RALGPS2: variants seen among roughly 807,000 people sequenced by gnomAD.
The protein encoded by RALGPS2 is Ral GEF with PH domain and SH3 binding motif 2.
In RALGPS2, 43 loss-of-function variants were observed where a neutral mutation model predicts 86.8. The observed-to-expected ratio is 0.50, with a 90% CI of 0.39 to 0.64. The LOEUF (loss-of-function observed/expected upper bound fraction) is 0.64, where lower values mean the gene tolerates loss of function less well. Ranked by LOEUF, RALGPS2 falls within the 30% of genes least tolerant of loss-of-function variation. The probability of loss-of-function intolerance (pLI) is 0.00; values close to 1 mark genes in which losing one functional copy is unlikely to be tolerated. For missense variants in RALGPS2, 536 were observed against 694.6 expected, an observed-to-expected ratio of 0.77 and a Z score of 2.57; for synonymous variants, 243 against 231.3, an observed-to-expected ratio of 1.05 and a Z score of -0.46.
At chr1:178,835,122 C>G (rs1287701823) in intron 8 of RALGPS2, among the ~76,000 whole-genome samples, 5 of 152,138 alleles carry the variant, frequency 3.3e-5, no homozygotes, top group African/African-American at 1.2e-4. Context: ...CCCATACTTG[C>G]AAATATAATT....
At chr1:178,907,028 G>C (rs1262685957) in intron 19 of RALGPS2, among the ~76,000 whole-genome samples, 161 bp downstream of exon 19, 1 of 152,194 alleles carries the variant, frequency 6.6e-6, no homozygotes, top group African/African-American at 2.4e-5. Context: ...CTACATCTTA[G>C]TGAGGAGCTA....
intron 1 of RALGPS2, among the ~76,000 whole-genome samples, chr1:178,741,342 C>T (rs540432683): frequency 3.9e-5 from 6 of 152,162 alleles, no homozygotes; most frequent in Admixed American, 6.5e-5. Flanking sequence ...CAATATGTAA[C>T]GGGCAGAAAT....
intron 16 of RALGPS2, 102 bp from the exon 17 acceptor site, chr1:178,897,562 T>G: frequency 1.1e-6 from 1 of 911,312 alleles, no homozygotes; most frequent in Non-Finnish European, 1.8e-6. Context: ...GGTTAGGACT[T>G]TGGTTGAAGT....
intron 16 of RALGPS2, among the ~76,000 whole-genome samples, chr1:178,895,221 ACTTAAAG>A (rs1458111395): frequency 2.0e-5 from 3 of 152,056 alleles, no homozygotes; most frequent in Non-Finnish European, 4.4e-5. Context: ...ATATATTCAC[ACTTAAAG>A]CTTTTGAAGA....
chr1:178,771,477 C>T (rs1416969392), intron 1 of RALGPS2, among the ~76,000 whole-genome samples: 1 of 152,172 alleles, frequency 6.6e-6, no homozygotes, highest in Non-Finnish European at 1.5e-5. Flanking sequence ...TCATCACATC[C>T]AGAGGCACAT....
rs184623097 is a variant in RALGPS2, at chr1:178,743,001, T to C, written c.-84+17582T>C. On this transcript the variant is annotated intron_variant, in intron 1 of 19. Coordinates refer to ENST00000367635, the MANE Select transcript of RALGPS2 (RefSeq NM_152663.5). ...GAGTCTGAAGTGGGAGGATCACTTA[T>C]GGCCAGGAGTTCAAGGCCAGCTTGG... Among the ~76,000 whole-genome samples the C allele has an allele frequency of 1.0e-3, 159 of 152,300 alleles. 2 individuals are homozygous for C. The highest frequency in any genetic ancestry group is 8.4e-3 in the Admixed American group (129 of 15,298).
In RALGPS2 at chr1:178,902,176, A is replaced by G; in HGVS notation, c.1595A>G (p.His532Arg). ...GTGATGATGGCTGATGACCCTGAACATCCTGATCTCTTCCTGCTGACTGAC... is the reference window on the plus strand; with the variant it reads ...GTGATGATGGCTGATGACCCTGAACGTCCTGATCTCTTCCTGCTGACTGAC... ...WMVMMADDPE[H>R]PDLFLLTDSE... The change falls in exon 18 of 20, where the codon CAT (histidine) becomes CGT (arginine). Residue 532 changes from histidine (H) to arginine (R), a missense_variant. Around this residue, in one of 3 missense-constraint regions of RALGPS2, gnomAD observed 309 missense variants for 363.0 expected, o/e 0.85. Coordinates refer to ENST00000367635, the MANE Select transcript of RALGPS2 (RefSeq NM_152663.5). 2 of 1,613,096 alleles carry G rather than the reference A, an allele frequency of 1.2e-6. No individual in the cohort carries two copies. Among genetic ancestry groups the G allele is most frequent in the Middle Eastern group, 1.7e-4 (1 of 6,056 alleles).
intron 8 of RALGPS2, among the ~76,000 whole-genome samples, chr1:178,854,700 T>C (rs1558151501): frequency 6.6e-6 from 1 of 152,164 alleles, no homozygotes; most frequent in African/African-American, 2.4e-5. Context: ...AAACCCTAGA[T>C]AGACATAAAT....
chr1:178,909,643 A>ATTTTTTTTTTTTTTTTTTTTT (rs57890269), intron 19 of RALGPS2, among the ~76,000 whole-genome samples: 10 of 72,380 alleles, frequency 1.4e-4, no homozygotes, highest in African/African-American at 1.8e-4. Flanking sequence ...TTCTTTTTTA[A>ATTTTTTTTTTTTTTTTTTTTT]TTTTTTTTTT....
intron 8 of RALGPS2, chr1:178,852,632 A>G: frequency 1.3e-6 from 2 of 1,545,678 alleles, no homozygotes; most frequent in Non-Finnish European, 1.8e-6. Context: ...GATTCTATTT[A>G]ATGCATAGAA....
At chr1:178,778,097 T>A in intron 2 of RALGPS2, among the ~76,000 whole-genome samples, 2 of 126,880 alleles carry the variant, frequency 1.6e-5, no homozygotes, top group African/African-American at 3.7e-5. Context: ...ACCATCAGAG[T>A]GAACAGGCAA....
chr1:178,836,108 C>T (rs180707695), intron 8 of RALGPS2, among the ~76,000 whole-genome samples: 1 of 152,132 alleles, frequency 6.6e-6, no homozygotes, highest in Non-Finnish European at 1.5e-5. Context: ...TATATGTGCT[C>T]AGGTACATTC....
chr1:178,800,886 C>T (rs1348999704), intron 4 of RALGPS2, among the ~76,000 whole-genome samples: 1 of 151,770 alleles, frequency 6.6e-6, no homozygotes, highest in Non-Finnish European at 1.5e-5. Flanking sequence ...CTGTGAATCA[C>T]CTATAAACCC....
chr1:178,747,238 G>C, intron 1 of RALGPS2: 1 of 1,470,164 alleles, frequency 6.8e-7, no homozygotes, highest in Admixed American at 1.7e-5. Context: ...GGTTCAAGGA[G>C]CCAGATTCTC....
chr1:178,836,407 A>G (rs374554092), intron 8 of RALGPS2, among the ~76,000 whole-genome samples: 12 of 152,084 alleles, frequency 7.9e-5, no homozygotes, highest in African/African-American at 2.2e-4. Flanking sequence ...TTCATTTTAT[A>G]TGTTCTCATG....
intron 4 of RALGPS2, among the ~76,000 whole-genome samples, 165 bp downstream of exon 4, chr1:178,785,772 C>G (rs578017136): frequency 6.6e-6 from 1 of 152,122 alleles, no homozygotes; most frequent in South Asian, 2.1e-4. Context: ...ACGTGGCATT[C>G]ATAGCAATAC....
chr1:178,794,837 T>C (rs139033194), intron 4 of RALGPS2, among the ~76,000 whole-genome samples: 12 of 152,170 alleles, frequency 7.9e-5, no homozygotes, highest in Middle Eastern at 3.2e-3. Flanking sequence ...GTCTCAAGTA[T>C]TCATAAAGTG....
chr1:178,821,363 A>G (rs899179267), intron 6 of RALGPS2, among the ~76,000 whole-genome samples: 2 of 152,296 alleles, frequency 1.3e-5, no homozygotes, highest in East Asian at 1.9e-4. Flanking sequence ...TTTTCTTAAT[A>G]TATTACTCAA....
intron 8 of RALGPS2, among the ~76,000 whole-genome samples, chr1:178,867,990 A>AATT (rs1225866433): frequency 6.6e-6 from 1 of 151,968 alleles, no homozygotes; most frequent in African/African-American, 2.4e-5. Flanking sequence ...GAGTATGGAG[A>AATT]ATTATTATTA....
Sources: allele counts gnomAD v4.1 joint callset (sites outside exome capture counted in the v4.1 genomes callset), GRCh38; gene constraint gnomAD v4.1.1; regional missense constraint gnomAD v4.1.1; transcripts MANE v1.5; gene names NCBI Gene and HGNC (gene_info 2026-07-23, HGNC 2026-07-21).